Variants in ADAM12 observed in about 807,000 individuals in gnomAD.
ADAM12 encodes the protein disintegrin and metalloproteinase domain-containing protein 12.
Under a neutral mutation model 106.4 loss-of-function variants are expected in ADAM12, and 70 were observed. The observed-to-expected ratio is 0.66, with a 90% CI of 0.54 to 0.80. The LOEUF (loss-of-function observed/expected upper bound fraction) is 0.80, where lower values mean the gene tolerates loss of function less well. ADAM12 is among the 30% of genes least tolerant of loss of function. ADAM12 has a pLI of 0.00. For missense variants in ADAM12, 1,010 were observed against 1,171.9 expected, an observed-to-expected ratio of 0.86 and a Z score of 2.02; for synonymous variants, 420 against 433.5, an observed-to-expected ratio of 0.97 and a Z score of 0.39.
At chr10:126,363,033 C>T (rs1369917958) in intron 1 of ADAM12, among the ~76,000 whole-genome samples, 2 of 152,002 alleles carry the variant, frequency 1.3e-5, no homozygotes, top group South Asian at 4.2e-4. Flanking sequence ...TAAATCATAA[C>T]ATCAATTTGG....
At chr10:126,055,781 T>A (rs927633847) in intron 14 of ADAM12, among the ~76,000 whole-genome samples, 2 of 152,282 alleles carry the variant, frequency 1.3e-5, no homozygotes, top group Non-Finnish European at 2.9e-5. Flanking sequence ...CTTCACCAAA[T>A]CTTTTTCCAA....
intron 14 of ADAM12, among the ~76,000 whole-genome samples, chr10:126,051,489 C>T (rs1954484575): frequency 8.2e-6 from 1 of 121,380 alleles, no homozygotes; most frequent in African/African-American, 3.1e-5. Flanking sequence ...AGCCAGCCAC[C>T]CGTCCATCCA....
chr10:126,083,480 A>AG (rs1199880101), intron 11 of ADAM12, among the ~76,000 whole-genome samples: 1 of 152,220 alleles, frequency 6.6e-6, no homozygotes, highest in African/African-American at 2.4e-5. Context: ...TGGGAGAGGC[A>AG]GCTGCTCCGA....
In ADAM12 at chr10:126,043,281, C is replaced by T. The variant is rs1542460; in HGVS notation, c.1996-133G>A. On this transcript the variant is annotated intron_variant, in intron 17 of 22. Transcript: ENST00000448723. This position sits in a 1 kb window ranked among gnomAD's most constrained non-coding sequence, Gnocchi z 4.1. ...GCCAGACTCAGCACACGCCATGGTG[C>T]GAATAAGCCCAAAGCCGGCACTACA... 0.014 allele frequency: 11,515 copies of T among 811,992 alleles called. 943 individuals are homozygous for T. The African/African-American group carries it at 0.17, about 12-fold the overall frequency. The allele number at this position is 811,992 out of a possible 1,614,324, so 50.3% of individuals were successfully genotyped here.
At chr10:126,019,118 G>T (rs1953712060) in intron 22 of ADAM12, among the ~76,000 whole-genome samples, 1 of 152,054 alleles carries the variant, frequency 6.6e-6, no homozygotes, top group South Asian at 2.1e-4. Context: ...ATTAAATCTG[G>T]TTGTTTAAAA....
At chr10:126,228,485 G>T (rs939906490) in intron 3 of ADAM12, among the ~76,000 whole-genome samples, 4 of 152,112 alleles carry the variant, frequency 2.6e-5, no homozygotes, top group Non-Finnish European at 4.4e-5. Context: ...CCCTAAGAAG[G>T]TTTAGTTGTA....
intron 16 of ADAM12, among the ~76,000 whole-genome samples, chr10:126,047,954 A>G (rs1954371860): frequency 2.6e-5 from 4 of 152,256 alleles, no homozygotes; most frequent in Admixed American, 2.6e-4. Flanking sequence ...ATGGAATACT[A>G]TGCAGCCATA....
chr10:126,309,017 C>T (rs1263012570), intron 2 of ADAM12, among the ~76,000 whole-genome samples: 1 of 152,144 alleles, frequency 6.6e-6, no homozygotes, highest in Admixed American at 6.5e-5. Flanking sequence ...ATCCCAGAAC[C>T]CAGAGTTATT....
At chr10:126,243,132 T>C (rs924527787) in intron 3 of ADAM12, among the ~76,000 whole-genome samples, 9 of 152,170 alleles carry the variant, frequency 5.9e-5, no homozygotes, top group East Asian at 5.8e-4. Context: ...AGCAGGCCAG[T>C]GTTACCATGT....
rs559877371 is a variant in ADAM12, at chr10:126,333,136, G to A, written c.89-2627C>T. 1.8e-4 allele frequency among the ~76,000 whole-genome samples: 27 copies of A among 152,294 alleles called. No individual in the cohort carries two copies. In the South Asian group the frequency reaches 2.5e-3, roughly 14 times the overall value. Reference sequence around the variant, plus strand: ...CAGCTAAAACTGTCAAAGCGATCGCGAGCATTTTAAAATATCCTCCACATA... The same window carrying A: ...CAGCTAAAACTGTCAAAGCGATCGCAAGCATTTTAAAATATCCTCCACATA... On this transcript the variant is annotated intron_variant, in intron 1 of 22. Coordinates refer to ENST00000448723, the MANE Select transcript of ADAM12 (RefSeq NM_001288973.2).
rs749458440 is a variant in ADAM12 at position 126,019,820 on chromosome 10, G to C, written c.2535C>G (p.Thr845=). 1 of 1,613,394 alleles carries C rather than the reference G, an allele frequency of 6.2e-7. No homozygotes were observed. Among genetic ancestry groups the C allele is most frequent in the Non-Finnish European group, 8.5e-7 (1 of 1,179,684 alleles). ...AKPALRQAQG[T]CKPNPPQKPL... ...GCTTCTGAGGGGGGTTTGGCTTACAGGTCCCCTGCAATAAACATAGGGTTA... is the reference window on the plus strand; with the variant it reads ...GCTTCTGAGGGGGGTTTGGCTTACACGTCCCCTGCAATAAACATAGGGTTA... Residue 845 remains threonine, a synonymous_variant, in exon 22 of 23, where the codon ACC becomes ACG. Coordinates refer to ENST00000448723, the MANE Select transcript of ADAM12 (RefSeq NM_001288973.2).
chr10:126,090,312 CAAAAAA>C (rs58704417), intron 11 of ADAM12, among the ~76,000 whole-genome samples: 2 of 123,342 alleles, frequency 1.6e-5, no homozygotes, highest in African/African-American at 6.4e-5. Flanking sequence ...AAACTTTCTG[CAAAAAA>C]AAAAAAAAAA....
intron 2 of ADAM12, among the ~76,000 whole-genome samples, chr10:126,309,501 T>A (rs1960988455): frequency 6.6e-6 from 1 of 152,240 alleles, no homozygotes; most frequent in Admixed American, 6.5e-5. Flanking sequence ...AACCAAGAGT[T>A]GATTTATTAA....
At chr10:126,294,762 A>G (rs972704171) in intron 2 of ADAM12, among the ~76,000 whole-genome samples, 5 of 152,244 alleles carry the variant, frequency 3.3e-5, no homozygotes, top group Non-Finnish European at 7.3e-5. Flanking sequence ...TTCTAGAGAT[A>G]TCATGTCATA....
At chr10:126,368,121 G>A (rs945061832) in intron 1 of ADAM12, among the ~76,000 whole-genome samples, 1 of 151,930 alleles carries the variant, frequency 6.6e-6, no homozygotes, top group Admixed American at 6.6e-5. Flanking sequence ...GTATATGTAT[G>A]CATGTGTGTA....
At position 126,049,360 on chromosome 10, in the gene ADAM12, G is replaced by A. The variant is rs1590336308; in HGVS notation, c.1810C>T (p.Leu604=). 1 of 1,614,222 alleles carries A rather than the reference G, an allele frequency of 6.2e-7. No homozygotes were observed. Among genetic ancestry groups the A allele is most frequent in the Admixed American group, 1.7e-5 (1 of 60,028 alleles). ...NAVSIETNIP[L]QQGGRILCRG... ...CACAGAATCCGGCCTCCTTGCTGCA[G>A]GGGGATGTTTGTTTCTATGGAAACG... The change falls in exon 16 of 23, where the codon CTG becomes TTG. Residue 604 remains leucine, a synonymous_variant. Coordinates refer to ENST00000448723, the MANE Select transcript of ADAM12 (RefSeq NM_001288973.2). The surrounding 1 kb of genome is among the most constrained non-coding windows in gnomAD (Gnocchi z 4.4).
intron 3 of ADAM12, among the ~76,000 whole-genome samples, chr10:126,211,399 A>G (rs1957898597): frequency 6.6e-6 from 1 of 152,218 alleles, no homozygotes; most frequent in Non-Finnish European, 1.5e-5. Context: ...GTGGTTGCCA[A>G]GGACATTGGA....
intron 2 of ADAM12, among the ~76,000 whole-genome samples, chr10:126,306,228 T>C (rs960799706): frequency 2.0e-5 from 3 of 152,060 alleles, no homozygotes; most frequent in African/African-American, 7.2e-5. Flanking sequence ...CAGCTTCTTA[T>C]ATCTTACTGT....
At chr10:126,235,080 C>T (rs965379787) in intron 3 of ADAM12, among the ~76,000 whole-genome samples, 1 of 152,152 alleles carries the variant, frequency 6.6e-6, no homozygotes, top group African/African-American at 2.4e-5. Flanking sequence ...TGGAAAGGGT[C>T]GTCTCCACGT....
Sources: allele counts gnomAD v4.1 joint callset (sites outside exome capture counted in the v4.1 genomes callset), GRCh38; gene constraint gnomAD v4.1.1; non-coding constraint Gnocchi (gnomAD v3.1); transcripts MANE v1.5; gene names NCBI Gene and HGNC (gene_info 2026-07-23, HGNC 2026-07-21).